CCDC191: variants seen among roughly 807,000 people sequenced by gnomAD.
CCDC191 encodes coiled-coil domain-containing protein 191.
CCDC191 carries 99 observed loss-of-function variants against 114.0 expected under a neutral mutation model. The observed-to-expected ratio is 0.87, with a 90% CI of 0.74 to 1.03. The LOEUF (loss-of-function observed/expected upper bound fraction) is 1.03. CCDC191 is among the 50% of genes least tolerant of loss of function. CCDC191 has a pLI of 0.00. For synonymous variants in CCDC191, 351 were observed against 376.0 expected, an observed-to-expected ratio of 0.93 and a Z score of 0.77; for missense variants, 973 against 1,087.0, an observed-to-expected ratio of 0.90 and a Z score of 1.47.
At chr3:114,028,006 A>G (rs1176697013) in intron 7 of CCDC191, among the ~76,000 whole-genome samples, 1 of 152,164 alleles carries the variant, frequency 6.6e-6, no homozygotes, top group Admixed American at 6.5e-5. Context: ...AACCAAGTCT[A>G]TGTAAGAGCC....
intron 16 of CCDC191, among the ~76,000 whole-genome samples, chr3:113,974,429 C>T (rs1418478387): frequency 6.6e-6 from 1 of 151,964 alleles, no homozygotes; most frequent in East Asian, 1.9e-4. Flanking sequence ...AAGCCATTCT[C>T]CTGCCTCAGG....
Position 113,980,736 on chromosome 3 carries a change from T to C in CCDC191, c.2221A>G (p.Lys741Glu). 6.2e-7 allele frequency: 1 copy of C among 1,610,828 alleles called. No individual in the cohort carries two copies. The highest frequency in any genetic ancestry group is 8.5e-7 in the Non-Finnish European group (1 of 1,179,050). Residue 741 changes from lysine to glutamate, a missense_variant, in exon 14 of 17, where the codon AAA (lysine) becomes GAA (glutamate). Coordinates refer to ENST00000295878, the MANE Select transcript of CCDC191 (RefSeq NM_020817.2). ...AGCAAGACCCTTTCATAATGTTCTT[T>C]GGCTATTGCTTCCAGCTGCTGGTTC... ...KRNQQLEAIAKEHYERVLLRK... is the reference protein window; with the variant it reads ...KRNQQLEAIAEEHYERVLLRK...
At chr3:113,976,731 A>G (rs758549363) in intron 16 of CCDC191, among the ~76,000 whole-genome samples, 79 of 152,068 alleles carry the variant, frequency 5.2e-4, no homozygotes, top group Non-Finnish European at 9.0e-4. Flanking sequence ...ACAGCAATCC[A>G]TAAGATAGAT....
At chr3:114,012,046 C>G (rs913421532) in intron 8 of CCDC191, among the ~76,000 whole-genome samples, 1 of 152,166 alleles carries the variant, frequency 6.6e-6, no homozygotes. Context: ...GTTAAACATA[C>G]ATAATGCTTA....
chr3:113,988,065 A>C (rs116390356), intron 13 of CCDC191, among the ~76,000 whole-genome samples: 102 of 152,020 alleles, frequency 6.7e-4, no homozygotes, highest in African/African-American at 2.3e-3. Context: ...ATATATTTAA[A>C]GAGGTATAAA....
chr3:114,050,104 C>A (rs2107762429), intron 2 of CCDC191, among the ~76,000 whole-genome samples: 1 of 152,340 alleles, frequency 6.6e-6, no homozygotes, highest in South Asian at 2.1e-4. Context: ...AAAAGCGTAT[C>A]ATAGTAACTA....
chr3:114,001,578 A>G lies in CCDC191; in HGVS notation c.2163+17T>C, dbSNP rs1307703059. ...AAACCTCAAGATACAGGGACTGACC[A>G]AATAGACAATACTAACCATTTTCTT... On this transcript the variant is annotated intron_variant, in intron 13 of 16. Coordinates refer to ENST00000295878, the MANE Select transcript of CCDC191 (RefSeq NM_020817.2). The G allele has an allele frequency of 6.2e-7, 1 of 1,613,382 alleles. No individual in the cohort carries two copies. Among genetic ancestry groups the G allele is most frequent in the South Asian group, 1.1e-5 (1 of 91,006 alleles).
At chr3:114,024,107 C>T (rs1310168165) in intron 7 of CCDC191, among the ~76,000 whole-genome samples, 2 of 152,156 alleles carry the variant, frequency 1.3e-5, no homozygotes, top group East Asian at 1.9e-4. Context: ...AAATGCTCAT[C>T]ATCACTGGCC....
chr3:114,042,597 A>C (rs2076577862), intron 4 of CCDC191, 106 bp downstream of exon 4: 2 of 922,128 alleles, frequency 2.2e-6, no homozygotes, highest in Non-Finnish European at 3.0e-6. Flanking sequence ...ACTAAAAAAA[A>C]CACAGAAAAC....
intron 5 of CCDC191, among the ~76,000 whole-genome samples, chr3:114,036,359 T>C (rs2076482949): frequency 6.6e-6 from 1 of 152,208 alleles, no homozygotes; most frequent in African/African-American, 2.4e-5. Flanking sequence ...TTTATGTCAA[T>C]ACTCTTGGTC....
At chr3:113,989,479 A>G (rs1231162221) in intron 13 of CCDC191, among the ~76,000 whole-genome samples, 2 of 152,234 alleles carry the variant, frequency 1.3e-5, no homozygotes, top group African/African-American at 4.8e-5. Flanking sequence ...TAAACTAGAA[A>G]TTAAAACTAG....
At chr3:114,036,830 T>A in intron 4 of CCDC191, 44 bp from the exon 5 acceptor site, 3 of 1,275,344 alleles carry the variant, frequency 2.4e-6, no homozygotes, top group Non-Finnish European at 2.1e-6. Flanking sequence ...TTTTAAAAAA[T>A]TAATTTTAGT....
At position 114,004,635 on chromosome 3, in the gene CCDC191, G is replaced by C. The variant is rs1243425572; in HGVS notation, c.1978+2C>G. ...CCAAGGCCACCACCGAGACAGCCCT[G>C]CCTTTTAGTATGGGATGCGGTGTCA... On this transcript the variant is annotated splice_donor_variant, in intron 11 of 16. Transcript: ENST00000295878. LOFTEE classifies it high-confidence loss of function. 1.2e-6 allele frequency: 2 copies of C among 1,611,796 alleles called. No individual in the cohort carries two copies. The highest frequency in any genetic ancestry group is 1.7e-6 in the Non-Finnish European group (2 of 1,178,714).
chr3:113,970,906 T>C (rs1015287996), intron 16 of CCDC191, among the ~76,000 whole-genome samples: 12 of 152,234 alleles, frequency 7.9e-5, no homozygotes, highest in African/African-American at 2.9e-4. Context: ...CTCATCATTT[T>C]TTATGGCTGC....
chr3:113,977,801 T>C (rs1340958720), intron 16 of CCDC191, among the ~76,000 whole-genome samples: 2 of 152,200 alleles, frequency 1.3e-5, no homozygotes, highest in African/African-American at 4.8e-5. Context: ...TTAAGCACTT[T>C]TCTATATTTG....
chr3:113,977,483 C>G (rs895887161), intron 16 of CCDC191, among the ~76,000 whole-genome samples: 2 of 152,158 alleles, frequency 1.3e-5, no homozygotes, highest in African/African-American at 4.8e-5. Context: ...CTTACTTATA[C>G]AGAATACCTT....
chr3:114,036,490 C>G (rs2076485409), intron 5 of CCDC191, 118 bp downstream of exon 5: 1 of 636,694 alleles, frequency 1.6e-6, no homozygotes, highest in Admixed American at 3.2e-5. Context: ...TCTCCCTAAC[C>G]AAACCACAGA....
chr3:114,045,513 A>G (rs1022150797), intron 3 of CCDC191, among the ~76,000 whole-genome samples: 1 of 152,174 alleles, frequency 6.6e-6, no homozygotes, highest in African/African-American at 2.4e-5. Flanking sequence ...CTGGGATTAC[A>G]GGCACCCACC....
At chr3:113,992,664 A>C (rs1256084641) in intron 13 of CCDC191, among the ~76,000 whole-genome samples, 1 of 152,216 alleles carries the variant, frequency 6.6e-6, no homozygotes, top group Non-Finnish European at 1.5e-5. Context: ...CCAACATGGC[A>C]CATGTATACA....
Sources: allele counts gnomAD v4.1 joint callset (sites outside exome capture counted in the v4.1 genomes callset), GRCh38; gene constraint gnomAD v4.1.1; transcripts MANE v1.5; gene names NCBI Gene and HGNC (gene_info 2026-07-23, HGNC 2026-07-21).